Variants in IARS2 observed in about 807,000 individuals in gnomAD.
The protein encoded by IARS2 is isoleucyl-tRNA synthetase 2, mitochondrial.
IARS2 carries 56 observed loss-of-function variants against 126.3 expected under a neutral mutation model. That is an observed-to-expected ratio of 0.44 (90% CI 0.36 to 0.55). IARS2 has a LOEUF of 0.55. IARS2 is among the 20% of genes least tolerant of loss of function. The pLI is 0.00. For missense variants in IARS2, 1,127 were observed against 1,245.9 expected (o/e 0.90, Z 1.44); for synonymous variants, 407 against 441.1 (o/e 0.92, Z 0.97).
chr1:220,094,212 G>C lies in IARS2; in HGVS notation c.-5G>C, dbSNP rs2102814078. ...GAGGACCCCGCTCTCAGGGGTTGCC[G>C]GACCATGCGTTGGGGGCTGCGCCCT... On this transcript the variant is annotated 5_prime_UTR_variant, in exon 1 of 23. Transcript: ENST00000366922. The C allele has an allele frequency of 6.4e-7, 1 of 1,561,456 alleles. No individual in the cohort carries two copies. The highest frequency in any genetic ancestry group is 8.6e-7 in the Non-Finnish European group (1 of 1,156,208).
intron 11 of IARS2, among the ~76,000 whole-genome samples, chr1:220,111,598 ATGTGTGTGTGTG>A (rs34903707): frequency 2.2e-5 from 3 of 134,860 alleles, no homozygotes; most frequent in African/African-American, 5.5e-5. Context: ...ATATATATAT[ATGTGTGTGTGTG>A]TGTGTGTGTG....
intron 12 of IARS2, among the ~76,000 whole-genome samples, chr1:220,123,638 T>A (rs374534417): frequency 2.6e-3 from 396 of 152,176 alleles, no homozygotes; most frequent in African/African-American, 9.0e-3. Flanking sequence ...CATGCCCGGC[T>A]AATTTTTTTG....
Position 220,115,243 on chromosome 1 carries a change from G to A in IARS2, c.1640+769G>A, listed in dbSNP as rs544007243. 5.3e-5 allele frequency among the ~76,000 whole-genome samples: 8 copies of A among 152,170 alleles called. No individual in the cohort carries two copies. In the South Asian group the frequency reaches 1.7e-3, roughly 32 times the overall value. On this transcript the variant is annotated intron_variant, in intron 12 of 22. Coordinates refer to ENST00000366922, the MANE Select transcript of IARS2 (RefSeq NM_018060.4). ...ACACATAGATCAGCCTCATTCTTAAGCTTTATTAAAGCATACTTTACATAC... is the reference window on the plus strand; with the variant it reads ...ACACATAGATCAGCCTCATTCTTAAACTTTATTAAAGCATACTTTACATAC...
rs553808411 is a variant in IARS2, at chr1:220,140,289, G to T, written c.2414G>T (p.Arg805Met). ...TTTTATTTCAGTATAATCAAAGATA[G>T]GTATGTATGACTAAATATTAAAATG... ...SNFYFSIIKD[R>M]LYCEKENDPK... is the part of the protein sequence containing the mutation. Residue 805 changes from arginine to methionine, a missense_variant and splice_region_variant, in exon 19 of 23, where the codon AGG becomes ATG. By Grantham distance (91) the Arg-to-Met change is moderately conservative (BLOSUM62 -1). Transcript: ENST00000366922. The T allele has an allele frequency of 6.6e-7, 1 of 1,519,734 alleles. No homozygotes were observed. Among genetic ancestry groups the T allele is most frequent in the Non-Finnish European group, 9.1e-7 (1 of 1,094,718 alleles). 94.1% of individuals were successfully genotyped at this position (1,519,734 alleles called of 1,614,324 possible). A position where few individuals can be genotyped will look rare whatever the true frequency, so the allele number is the denominator to read the frequency against.
At chr1:220,102,106 T>G in intron 3 of IARS2, 23 bp from the exon 4 acceptor site, 3 of 1,587,830 alleles carry the variant, frequency 1.9e-6, no homozygotes, top group Non-Finnish European at 2.6e-6. Flanking sequence ...TTTTTTAAAA[T>G]CTTTTTTTCG....
chr1:220,111,042 G>A, intron 11 of IARS2, 105 bp downstream of exon 11: 1 of 1,018,378 alleles, frequency 9.8e-7, no homozygotes, highest in Admixed American at 2.7e-5. Context: ...AGGGATTGCT[G>A]CTATTATGAT....
At chr1:220,102,821 G>A in intron 7 of IARS2, 44 bp downstream of exon 7, 3 of 1,020,590 alleles carry the variant, frequency 2.9e-6, no homozygotes, top group Non-Finnish European at 3.1e-6. Flanking sequence ...CAAATAGAAT[G>A]TATTCCATTA....
intron 12 of IARS2, chr1:220,117,918 C>T (rs1201506829): frequency 1.9e-6 from 1 of 525,112 alleles, no homozygotes; most frequent in African/African-American, 1.9e-5. Flanking sequence ...GCTATATTGT[C>T]TGTCAATTCA....
chr1:220,108,809 G>A (rs750857906), intron 10 of IARS2, among the ~76,000 whole-genome samples: 120 of 144,886 alleles, frequency 8.3e-4, no homozygotes, highest in Non-Finnish European at 1.1e-3. Flanking sequence ...GTGAGCCACC[G>A]TACCCAGCCA....
At chr1:220,142,032 G>C (rs747734073) in intron 20 of IARS2, 84 bp downstream of exon 20, 311 of 1,317,604 alleles carry the variant, frequency 2.4e-4, no homozygotes, top group Non-Finnish European at 3.0e-4. Context: ...TCATAAAAGG[G>C]GCACTTATCC....
chr1:220,132,619 A>G (rs913310527), intron 14 of IARS2, among the ~76,000 whole-genome samples: 1 of 145,110 alleles, frequency 6.9e-6, no homozygotes, highest in Non-Finnish European at 1.5e-5. Context: ...TCCACCTCCC[A>G]GGTTCAAGCA....
chr1:220,110,529 CTG>C (rs1656778726), intron 10 of IARS2, among the ~76,000 whole-genome samples: 1 of 152,122 alleles, frequency 6.6e-6, no homozygotes. Context: ...CCATGCCCGG[CTG>C]ATTTTTGCAT....
chr1:220,134,093 T>A (rs977691156), intron 14 of IARS2, among the ~76,000 whole-genome samples: 2 of 152,214 alleles, frequency 1.3e-5, no homozygotes, highest in Non-Finnish European at 2.9e-5. Flanking sequence ...AGATGGTCTC[T>A]CTGGGTTTGT....
chr1:220,126,409 G>A (rs192237741), intron 13 of IARS2, among the ~76,000 whole-genome samples: 10 of 152,318 alleles, frequency 6.6e-5, no homozygotes, highest in Non-Finnish European at 1.3e-4. Flanking sequence ...TTTACTGTTA[G>A]AGAACAGTGC....
intron 3 of IARS2, 57 bp from the exon 4 acceptor site, chr1:220,102,072 T>G: frequency 5.4e-6 from 8 of 1,473,618 alleles, no homozygotes; most frequent in African/African-American, 1.4e-5. Flanking sequence ...TGCTAAACCA[T>G]GTTTAAGAAT....
intron 22 of IARS2, among the ~76,000 whole-genome samples, chr1:220,146,624 T>C (rs2102844650): frequency 1.3e-5 from 2 of 151,968 alleles, no homozygotes; most frequent in Middle Eastern, 3.4e-3. Context: ...AGTTCAAATT[T>C]GGGCTTGGCA....
At chr1:220,126,351 G>A (rs931446933) in intron 13 of IARS2, among the ~76,000 whole-genome samples, 2 of 152,064 alleles carry the variant, frequency 1.3e-5, no homozygotes, top group Non-Finnish European at 2.9e-5. Context: ...CTCATTGAGG[G>A]CCAGGATTGA....
chr1:220,130,773 G>C (rs934385048), intron 14 of IARS2, among the ~76,000 whole-genome samples: 2 of 152,150 alleles, frequency 1.3e-5, no homozygotes, highest in African/African-American at 4.8e-5. Flanking sequence ...TAGCCAGGAT[G>C]GGGTAGGGGT....
At chr1:220,124,496 T>G (rs143707673) in intron 12 of IARS2, among the ~76,000 whole-genome samples, 1 of 152,330 alleles carries the variant, frequency 6.6e-6, no homozygotes. Flanking sequence ...GTATCTCTAG[T>G]GCCTGTGCCC....
Sources: gnomAD v4.1 joint callset for allele counts (sites outside exome capture counted in the v4.1 genomes callset) on GRCh38, gnomAD v4.1.1 for gene constraint, MANE v1.5 for transcripts, NCBI Gene and HGNC (gene_info 2026-07-23, HGNC 2026-07-21) for gene names.